Variants in APOLD1 observed in about 807,000 individuals in gnomAD.
APOLD1 encodes apolipoprotein L domain containing 1.
A neutral mutation model predicts 15.3 loss-of-function variants in APOLD1; 22 were observed. That is an observed-to-expected ratio of 1.44 (90% CI 1.03 to 2.05). APOLD1 has a LOEUF of 2.05. APOLD1 is among the 30% of genes most tolerant of loss of function. APOLD1 has a pLI of 0.00. For synonymous variants in APOLD1, 190 were observed against 167.4 expected, an observed-to-expected ratio of 1.13 and a Z score of -1.04; for missense variants, 394 against 353.5, an observed-to-expected ratio of 1.11 and a Z score of -0.92.
intron 1 of APOLD1, among the ~76,000 whole-genome samples, chr12:12,765,229 A>G (rs184717637): frequency 6.6e-6 from 1 of 152,232 alleles, no homozygotes; most frequent in East Asian, 1.9e-4. Flanking sequence ...GTTTCATTTT[A>G]AAAATTAGAG....
rs116578914 is a variant in APOLD1, at chr12:12,766,833, T to G, written c.97-20076T>G. On this transcript the variant is annotated intron_variant, in intron 1 of 1. Transcript: ENST00000326765. ...TCCAACCTGGGTGACAGAGTGAAAC[T>G]ATGTCTCAAAAACAAAAAACAACAA... Among the ~76,000 whole-genome samples the G allele has an allele frequency of 6.9e-3, 1,044 of 151,206 alleles. 9 individuals carry two copies. The highest frequency in any genetic ancestry group is 0.023 in the African/African-American group (959 of 41,172).
intron 1 of APOLD1, among the ~76,000 whole-genome samples, chr12:12,748,077 G>A (rs1946779948): frequency 6.6e-6 from 1 of 152,236 alleles, no homozygotes; most frequent in Admixed American, 6.5e-5. Flanking sequence ...AGGCTGAAGA[G>A]CGTTAATAAG....
chr12:12,785,196 C>T (rs761035316), upstream of APOLD1, among the ~76,000 whole-genome samples: 8 of 152,292 alleles, frequency 5.3e-5, no homozygotes, highest in South Asian at 2.1e-4. Flanking sequence ...AGATTCACAA[C>T]GCTTTTAAAA....
At chr12:12,732,898 TAAA>T (rs1295110633) in intron 1 of APOLD1, among the ~76,000 whole-genome samples, 3 of 151,934 alleles carry the variant, frequency 2.0e-5, no homozygotes, top group Non-Finnish European at 4.4e-5. Flanking sequence ...AACAACCAAA[TAAA>T]AACCCTTTAG....
chr12:12,748,971 G>T (rs1330267853), intron 1 of APOLD1, among the ~76,000 whole-genome samples: 1 of 152,188 alleles, frequency 6.6e-6, no homozygotes, highest in African/African-American at 2.4e-5. Flanking sequence ...CTCAGAGGGG[G>T]ATCTTCCCAG....
chr12:12,731,140 C>CA (rs1008827493), intron 1 of APOLD1, among the ~76,000 whole-genome samples: 1 of 151,760 alleles, frequency 6.6e-6, no homozygotes, highest in Non-Finnish European at 1.5e-5. Context: ...GACGCCATCT[C>CA]AAAAAAACAA....
chr12:12,787,966 G>T lies in APOLD1; in HGVS notation c.*314G>T. 1 of 284,652 alleles carries T rather than the reference G, an allele frequency of 3.5e-6. No individual in the cohort carries two copies. The highest frequency in any genetic ancestry group is 2.2e-5 in the African/African-American group (1 of 44,868). 17.6% of individuals were successfully genotyped at this position (284,652 alleles called of 1,614,324 possible). ...CACTCCTGTTTTAAAGTTATTTCGG[G>T]GTCCCTGACCCTGCCCTGGTGGCTT... On this transcript the variant is annotated 3_prime_UTR_variant, in exon 2 of 2. Coordinates refer to ENST00000356591, the MANE Select transcript of APOLD1 (RefSeq NM_030817.3). The surrounding 1 kb of genome is among the most constrained non-coding windows in gnomAD (Gnocchi z 4.9).
At chr12:12,780,550 A>G (rs1163341938) in intron 1 of APOLD1, among the ~76,000 whole-genome samples, 1 of 151,156 alleles carries the variant, frequency 6.6e-6, no homozygotes, top group Non-Finnish European at 1.5e-5. Context: ...TAAACCTCAC[A>G]TTTACAAGTT....
intron 1 of APOLD1, among the ~76,000 whole-genome samples, chr12:12,759,780 A>G (rs1004890564): frequency 1.2e-4 from 18 of 152,234 alleles, no homozygotes; most frequent in African/African-American, 4.3e-4. Context: ...ACGGGAGATG[A>G]GAAGACATTC....
intron 1 of APOLD1, among the ~76,000 whole-genome samples, chr12:12,769,114 G>C (rs991328175): frequency 1.3e-5 from 2 of 151,092 alleles, no homozygotes; most frequent in African/African-American, 2.4e-5. Flanking sequence ...TGTAGTCCCA[G>C]TTACTTGGGA....
At chr12:12,786,886 A>G in intron 1 of APOLD1, 23 bp from the exon 2 acceptor site, 1 of 1,407,876 alleles carries the variant, frequency 7.1e-7, no homozygotes, top group Non-Finnish European at 9.2e-7. Context: ...CTCCAGGCTG[A>G]CCGCGTGTCT....
chr12:12,731,841 C>T (rs1946643730), intron 1 of APOLD1, among the ~76,000 whole-genome samples: 1 of 152,182 alleles, frequency 6.6e-6, no homozygotes, highest in Admixed American at 6.5e-5. Context: ...TCATTGGTGA[C>T]CAAAGAAGCA....
At chr12:12,785,540 A>AGATGAAGGCAGC (rs1340530007), upstream of APOLD1, 5 of 1,328,644 alleles carry the variant, frequency 3.8e-6, no homozygotes, top group African/African-American at 1.5e-5. Context: ...ACGTCCTTCT[A>AGATGAAGGCAGC]GATGAAGGCA....
rs181969552 is a variant in APOLD1, at chr12:12,791,146, C to G, written c.*3494C>G. 6.6e-6 allele frequency: 1 copy of G among 152,102 alleles called. No individual in the cohort carries two copies. Among genetic ancestry groups the G allele is most frequent in the Non-Finnish European group, 1.5e-5 (1 of 68,024 alleles). The allele number at this position is 152,102 out of a possible 1,614,324, so 9.4% of individuals were successfully genotyped here. ...AAAAAAATAATCCTTAGCAAGCATT[C>G]GAATCCTAACTGCTTTGATGCACTT... is the stretch of plus-strand genomic sequence containing the variant. On this transcript the variant is annotated 3_prime_UTR_variant, in exon 2 of 2. Coordinates refer to ENST00000356591, the MANE Select transcript of APOLD1 (RefSeq NM_030817.3).
At chr12:12,734,926 A>T (rs1946672084) in intron 1 of APOLD1, among the ~76,000 whole-genome samples, 1 of 152,162 alleles carries the variant, frequency 6.6e-6, no homozygotes, top group African/African-American at 2.4e-5. Flanking sequence ...CATGGAATTT[A>T]GGTGAGTGTT....
At chr12:12,757,577 T>C (rs1274014577) in intron 1 of APOLD1, among the ~76,000 whole-genome samples, 1 of 152,174 alleles carries the variant, frequency 6.6e-6, no homozygotes, top group Non-Finnish European at 1.5e-5. Context: ...AACTAGAACG[T>C]TGTCAGCCAC....
At chr12:12,732,084 CCAGTCTCTCCAAAA>C (rs1946645144) in intron 1 of APOLD1, among the ~76,000 whole-genome samples, 1 of 152,190 alleles carries the variant, frequency 6.6e-6, no homozygotes, top group Admixed American at 6.5e-5. Context: ...GCTGGTGATA[CCAGTCTCTCCAAAA>C]CCATCACCTT....
chr12:12,726,520 TTC>T (rs1946594899), intron 1 of APOLD1: 1 of 257,820 alleles, frequency 3.9e-6, no homozygotes, highest in Non-Finnish European at 7.8e-6. Flanking sequence ...AGTCAAATGA[TTC>T]TCTCAGTCCC....
chr12:12,777,442 G>T (rs1014311006), intron 1 of APOLD1, among the ~76,000 whole-genome samples: 2 of 152,288 alleles, frequency 1.3e-5, no homozygotes, highest in South Asian at 4.1e-4. Context: ...GTTCAAGTAT[G>T]TGTTCCCTCA....
Sources: allele counts gnomAD v4.1 joint callset (sites outside exome capture counted in the v4.1 genomes callset), GRCh38; gene constraint gnomAD v4.1.1; non-coding constraint Gnocchi (gnomAD v3.1); transcripts MANE v1.5; gene names NCBI Gene and HGNC (gene_info 2026-07-23, HGNC 2026-07-21).